Variants in TBC1D5 observed in about 807,000 individuals in gnomAD.
TBC1D5 encodes TBC1 domain family member 5.
Under a neutral mutation model 100.3 loss-of-function variants are expected in TBC1D5, and 75 were observed. The ratio of observed to expected loss-of-function variants is 0.75; its 90% CI spans 0.62 to 0.91. The LOEUF is 0.91. Ranked by LOEUF, TBC1D5 falls within the 40% of genes least tolerant of loss-of-function variation. The pLI, the probability that TBC1D5 is intolerant of heterozygous loss-of-function variation, is 0.00. For missense variants in TBC1D5, 910 were observed against 942.4 expected, an observed-to-expected ratio of 0.97 and a Z score of 0.45; for synonymous variants, 323 against 325.6, an observed-to-expected ratio of 0.99 and a Z score of 0.09.
chr3:17,312,555 CT>C (rs2084158579), intron 13 of TBC1D5, among the ~76,000 whole-genome samples: 2 of 152,052 alleles, frequency 1.3e-5, no homozygotes, highest in South Asian at 4.1e-4. Context: ...TTGAATTTGC[CT>C]TTTTGGGAAC....
chr3:17,161,341 C>T (rs928849070), intron 21 of TBC1D5, 85 bp from the exon 23 acceptor site: 23 of 1,462,386 alleles, frequency 1.6e-5, no homozygotes, highest in Admixed American at 1.1e-4. Flanking sequence ...CTGGGGGACT[C>T]GTGGTGGAAA....
At chr3:17,238,461 G>A in intron 16 of TBC1D5, 42 bp from the exon 17 acceptor site, 1 of 1,573,560 alleles carries the variant, frequency 6.4e-7, no homozygotes, top group Non-Finnish European at 8.6e-7. Context: ...TACATTAGAG[G>A]ATGATTCTAT....
intron 8 of TBC1D5, among the ~76,000 whole-genome samples, chr3:17,392,278 G>C (rs970882303): frequency 2.0e-5 from 3 of 151,894 alleles, no homozygotes; most frequent in African/African-American, 7.3e-5. Flanking sequence ...GATAGTTACT[G>C]GTTGTAATAT....
At chr3:17,357,516 T>C (rs1267858022) in intron 13 of TBC1D5, among the ~76,000 whole-genome samples, 1 of 152,014 alleles carries the variant, frequency 6.6e-6, no homozygotes, top group Non-Finnish European at 1.5e-5. Flanking sequence ...GTGATCGACG[T>C]AGAGAAAAGG....
intron 3 of TBC1D5, among the ~76,000 whole-genome samples, chr3:17,430,526 G>A (rs1214811054): frequency 1.3e-5 from 2 of 151,494 alleles, no homozygotes; most frequent in East Asian, 1.9e-4. Flanking sequence ...GAAAAAAAAA[G>A]CAGTTTTTCT....
intron 2 of TBC1D5, among the ~76,000 whole-genome samples, chr3:17,566,491 A>G (rs1253359583): frequency 4.6e-5 from 7 of 151,968 alleles, no homozygotes; most frequent in Non-Finnish European, 2.9e-5. Flanking sequence ...GAAATTAATA[A>G]AAGTAGGCCC....
intron 2 of TBC1D5, among the ~76,000 whole-genome samples, chr3:17,601,640 G>A (rs1253669026): frequency 6.6e-6 from 1 of 152,118 alleles, no homozygotes; most frequent in Admixed American, 6.5e-5. Context: ...GAGTGAGGGT[G>A]GAGGAAGATA....
chr3:17,346,618 T>C (rs1191077933), intron 13 of TBC1D5, among the ~76,000 whole-genome samples: 1 of 152,172 alleles, frequency 6.6e-6, no homozygotes, highest in African/African-American at 2.4e-5. Context: ...AATGGGTTTC[T>C]TGCATTGAAA....
At chr3:17,192,448 C>T (rs1213359702) in intron 18 of TBC1D5, among the ~76,000 whole-genome samples, 1 of 151,798 alleles carries the variant, frequency 6.6e-6, no homozygotes, top group Admixed American at 6.6e-5. Flanking sequence ...TAAAGGGCTT[C>T]CTTCTATATG....
intron 1 of TBC1D5, among the ~76,000 whole-genome samples, chr3:17,670,224 T>A (rs902733870): frequency 1.3e-5 from 2 of 152,162 alleles, no homozygotes; most frequent in African/African-American, 4.8e-5. Context: ...GCTGAAAAAC[T>A]CAGTGAATAC....
chr3:17,570,526 A>C (rs1432368585), intron 2 of TBC1D5, among the ~76,000 whole-genome samples: 2 of 152,020 alleles, frequency 1.3e-5, no homozygotes, highest in Non-Finnish European at 2.9e-5. Context: ...TGTTACAGTG[A>C]ATATTCACAT....
chr3:17,527,211 G>C (rs183413484), intron 2 of TBC1D5, among the ~76,000 whole-genome samples: 88 of 152,300 alleles, frequency 5.8e-4, no homozygotes, highest in African/African-American at 2.1e-3. Context: ...GCTTATTTGG[G>C]AGCTGGGAGC....
chr3:17,515,240 G>A (rs577565981), intron 2 of TBC1D5, among the ~76,000 whole-genome samples: 1 of 152,124 alleles, frequency 6.6e-6, no homozygotes, highest in Admixed American at 6.5e-5. Context: ...GGGGAGGCCA[G>A]GGGTATGTTC....
In TBC1D5 at chr3:17,351,535, T is replaced by C. The variant is rs371251010; in HGVS notation, c.995+20540A>G. Among the ~76,000 whole-genome samples, 153 of 151,926 alleles carry C rather than the reference T, an allele frequency of 1.0e-3. 2 individuals are homozygous for C. The South Asian group carries it at 0.018, about 18-fold the overall frequency. On this transcript the variant is annotated intron_variant, in intron 13 of 21. Transcript: ENST00000253692. ...ATAAGTGGGAGTTGAACAATGAGAA[T>C]ATATGGGCACAGGGAGGGGAACATC...
At chr3:17,687,811 C>T (rs1236238988) in intron 1 of TBC1D5, among the ~76,000 whole-genome samples, 1 of 152,178 alleles carries the variant, frequency 6.6e-6, no homozygotes, top group African/African-American at 2.4e-5. Flanking sequence ...CCTTTGGTCA[C>T]ACTTAACCAC....
At chr3:17,725,876 C>A (rs2076084239) in intron 1 of TBC1D5, among the ~76,000 whole-genome samples, 1 of 152,186 alleles carries the variant, frequency 6.6e-6, no homozygotes, top group Non-Finnish European at 1.5e-5. Context: ...CACCCTCAAC[C>A]CTCAAGTAGG....
rs866658332 is a variant in TBC1D5, at chr3:17,706,105, C to G, written c.-101+33238G>C. On this transcript the variant is annotated intron_variant, in intron 1 of 21. Transcript: ENST00000253692. ...TGGGCGGCGGCCTCCAGCTTGCCCTCGAAGGTGAAGTCCAGCAAGTCGGGC... is the reference window on the plus strand; with the variant it reads ...TGGGCGGCGGCCTCCAGCTTGCCCTGGAAGGTGAAGTCCAGCAAGTCGGGC... The G allele has an allele frequency of 1.1e-5, 18 of 1,605,994 alleles. No individual in the cohort carries two copies. The East Asian group carries it at 1.6e-4, about 14-fold the overall frequency.
chr3:17,385,527 C>A (rs185483930), intron 8 of TBC1D5, among the ~76,000 whole-genome samples: 1 of 152,066 alleles, frequency 6.6e-6, no homozygotes, highest in African/African-American at 2.4e-5. Context: ...TTATAACTTT[C>A]TAGTCCAAGC....
chr3:17,718,312 G>A (rs1332595739), intron 1 of TBC1D5, among the ~76,000 whole-genome samples: 1 of 152,138 alleles, frequency 6.6e-6, no homozygotes, highest in Non-Finnish European at 1.5e-5. Flanking sequence ...ATTTACCATT[G>A]TGGTCAGGCA....
Sources: gnomAD v4.1 joint callset for allele counts (sites outside exome capture counted in the v4.1 genomes callset) on GRCh38, gnomAD v4.1.1 for gene constraint, MANE v1.5 for transcripts, NCBI Gene and HGNC (gene_info 2026-07-23, HGNC 2026-07-21) for gene names.